PRDM5: variants seen among roughly 807,000 people sequenced by gnomAD.
The protein encoded by PRDM5 is PR domain zinc finger protein 5.
A neutral mutation model predicts 81.2 loss-of-function variants in PRDM5; 56 were observed. The ratio of observed to expected loss-of-function variants is 0.69; its 90% CI spans 0.56 to 0.86. The LOEUF (loss-of-function observed/expected upper bound fraction) is 0.86, where lower values mean the gene tolerates loss of function less well. Among genes scored for constraint, PRDM5 ranks in the 40% least tolerant of loss-of-function variants. The pLI, the probability that PRDM5 is intolerant of heterozygous loss-of-function variation, is 0.00. For missense variants in PRDM5, 697 were observed against 770.1 expected, an observed-to-expected ratio of 0.91 and a Z score of 1.12; for synonymous variants, 267 against 256.4, an observed-to-expected ratio of 1.04 and a Z score of -0.39.
chr4:120,902,998 G>C (rs889554681), intron 2 of PRDM5, among the ~76,000 whole-genome samples: 2 of 152,144 alleles, frequency 1.3e-5, no homozygotes, highest in African/African-American at 4.8e-5. Context: ...TGGCTCCCCA[G>C]GGGCTCTTGG....
intron 14 of PRDM5, among the ~76,000 whole-genome samples, chr4:120,743,918 C>A (rs1386236224): frequency 6.6e-6 from 1 of 151,704 alleles, no homozygotes; most frequent in African/African-American, 2.4e-5. Flanking sequence ...CTCAGCTCTG[C>A]ACCAAGCGGA....
chr4:120,785,788 G>A (rs1749694404), intron 10 of PRDM5, among the ~76,000 whole-genome samples: 1 of 152,016 alleles, frequency 6.6e-6, no homozygotes, highest in African/African-American at 2.4e-5. Flanking sequence ...ACTTGGGAAG[G>A]TCAAACAGCA....
At chr4:120,747,128 T>C (rs1743221884) in intron 14 of PRDM5, among the ~76,000 whole-genome samples, 1 of 150,296 alleles carries the variant, frequency 6.7e-6, no homozygotes, top group African/African-American at 2.5e-5. Context: ...GTTCATGTCC[T>C]TTGTAGGGAC....
chr4:120,906,714 T>C (rs1765837295), intron 2 of PRDM5, among the ~76,000 whole-genome samples: 1 of 152,146 alleles, frequency 6.6e-6, no homozygotes, highest in Non-Finnish European at 1.5e-5. Flanking sequence ...CAAAAGACTG[T>C]CTCTAGTGTT....
intron 14 of PRDM5, among the ~76,000 whole-genome samples, chr4:120,737,337 A>G (rs1397351420): frequency 6.6e-6 from 1 of 152,138 alleles, no homozygotes; most frequent in Non-Finnish European, 1.5e-5. Flanking sequence ...TGCCTCCCAT[A>G]TGGTAAAATG....
At position 120,831,387 on chromosome 4, in the gene PRDM5, CCTAA is replaced by C. The variant is rs1561419186; in HGVS notation, c.301-10046_301-10043del. ...TTGCCCACACATTCTGTTCCTACCA[CCTAA>C]CTGTCAGGCATGCTTCCCACAGTCC... is the stretch of plus-strand genomic sequence containing the variant. On this transcript the variant is annotated intron_variant, in intron 3 of 15. Coordinates refer to ENST00000264808, the MANE Select transcript of PRDM5 (RefSeq NM_018699.4). Among the ~76,000 whole-genome samples the C allele has an allele frequency of 1.2e-4, 19 of 152,192 alleles. 1 individual carries two copies. Among genetic ancestry groups the C allele is most frequent in the Non-Finnish European group, 1.5e-5 (1 of 67,984 alleles).
chr4:120,885,134 C>CAAAAAAAAAAAAAAAAAA (rs60623556), intron 2 of PRDM5, among the ~76,000 whole-genome samples: 2 of 50,678 alleles, frequency 3.9e-5, no homozygotes, highest in Non-Finnish European at 8.2e-5. Context: ...GACTCCGTAT[C>CAAAAAAAAAAAAAAAAAA]AAAAAAAAAA....
chr4:120,818,524 C>G lies in PRDM5; in HGVS notation c.479G>C (p.Arg160Pro). 2 of 1,611,812 alleles carry G rather than the reference C, an allele frequency of 1.2e-6. No homozygotes were observed. Among genetic ancestry groups the G allele is most frequent in the Non-Finnish European group, 1.7e-6 (2 of 1,178,042 alleles). ...RRQSTAGRKD[R>P]LGCKEDYACP... ...AGCATAGTCCTCTTTACAGCCAAGGCGATCTGCACATTCACAAGGAAACAT... is the reference window on the plus strand; with the variant it reads ...AGCATAGTCCTCTTTACAGCCAAGGGGATCTGCACATTCACAAGGAAACAT... Residue 160 changes from arginine (R) to proline (P), a missense_variant, in exon 5 of 16, where the codon CGC (arginine) becomes CCC (proline). Transcript: ENST00000264808.
intron 15 of PRDM5, among the ~76,000 whole-genome samples, chr4:120,697,384 A>G (rs1191084652): frequency 1.3e-5 from 2 of 152,226 alleles, no homozygotes; most frequent in African/African-American, 4.8e-5. Flanking sequence ...ATTTATATAC[A>G]TGATGCTCAT....
chr4:120,730,385 T>C (rs1553951420), intron 14 of PRDM5, among the ~76,000 whole-genome samples: 1 of 152,216 alleles, frequency 6.6e-6, no homozygotes, highest in Non-Finnish European at 1.5e-5. Flanking sequence ...ACATGAATCA[T>C]GTAAATATAA....
intron 13 of PRDM5, among the ~76,000 whole-genome samples, chr4:120,771,527 G>A (rs1385541273): frequency 1.3e-5 from 2 of 152,040 alleles, no homozygotes; most frequent in East Asian, 3.9e-4. Context: ...CATCTAAAAT[G>A]CATTTTCCCC....
chr4:120,851,440 A>C (rs1759256370), intron 3 of PRDM5, among the ~76,000 whole-genome samples: 1 of 151,960 alleles, frequency 6.6e-6, no homozygotes, highest in Non-Finnish European at 1.5e-5. Flanking sequence ...AAACACTTGG[A>C]AAAAAATAAT....
At chr4:120,897,632 A>G (rs1252588564) in intron 2 of PRDM5, among the ~76,000 whole-genome samples, 1 of 152,216 alleles carries the variant, frequency 6.6e-6, no homozygotes, top group Non-Finnish European at 1.5e-5. Context: ...ACTGTCTCAC[A>G]TATCAGTTTA....
chr4:120,843,699 A>AG (rs1758318101), intron 3 of PRDM5, among the ~76,000 whole-genome samples: 4 of 151,908 alleles, frequency 2.6e-5, no homozygotes, highest in Non-Finnish European at 1.5e-5. Flanking sequence ...AAAAAAAAAA[A>AG]AAGAAGAAGA....
chr4:120,785,449 C>G (rs1324462676), intron 10 of PRDM5, among the ~76,000 whole-genome samples: 2 of 152,120 alleles, frequency 1.3e-5, no homozygotes, highest in African/African-American at 4.8e-5. Context: ...ACTGGCCAGG[C>G]TTTTACTCTG....
intron 13 of PRDM5, among the ~76,000 whole-genome samples, chr4:120,772,525 G>A (rs932341767): frequency 2.2e-4 from 33 of 152,192 alleles, no homozygotes; most frequent in Non-Finnish European, 1.6e-4. Context: ...AGCGGCGGCA[G>A]CAGCAGTGGC....
chr4:120,760,624 GAAC>G (rs1745466572), intron 13 of PRDM5, among the ~76,000 whole-genome samples: 1 of 151,982 alleles, frequency 6.6e-6, no homozygotes, highest in Non-Finnish European at 1.5e-5. Flanking sequence ...TGTTTTCTTT[GAAC>G]AACACATCAA....
chr4:120,727,166 C>T (rs1251849765), intron 14 of PRDM5, among the ~76,000 whole-genome samples: 1 of 152,264 alleles, frequency 6.6e-6, no homozygotes, highest in East Asian at 1.9e-4. Flanking sequence ...CAGTCAGGCA[C>T]ACCACATTCC....
chr4:120,742,183 C>A (rs1561047685), intron 14 of PRDM5, among the ~76,000 whole-genome samples: 1 of 152,212 alleles, frequency 6.6e-6, no homozygotes, highest in Non-Finnish European at 1.5e-5. Context: ...ACACCTCACA[C>A]TGCAGGGTAC....
Sources: gnomAD v4.1 joint callset for allele counts (sites outside exome capture counted in the v4.1 genomes callset) on GRCh38, gnomAD v4.1.1 for gene constraint, MANE v1.5 for transcripts, NCBI Gene and HGNC (gene_info 2026-07-23, HGNC 2026-07-21) for gene names.